MPDZ: variants seen among roughly 807,000 people sequenced by gnomAD.
MPDZ encodes the protein multiple PDZ domain crumbs cell polarity complex component, also known as multiple PDZ domain protein.
A neutral mutation model predicts 239.1 loss-of-function variants in MPDZ; 234 were observed. The observed-to-expected ratio is 0.98, with a 90% CI of 0.88 to 1.09. The LOEUF is 1.09. MPDZ is among the 50% of genes least tolerant of loss of function. The probability of loss-of-function intolerance (pLI) is 0.00; values close to 1 mark genes in which losing one functional copy is unlikely to be tolerated. For missense variants in MPDZ, 3,175 were observed against 2,510.0 expected (o/e 1.26, Z -5.66); for synonymous variants, 1,048 against 881.3 (o/e 1.19, Z -3.35).
intron 3 of MPDZ, among the ~76,000 whole-genome samples, chr9:13,233,679 T>A (rs191988120): frequency 5.9e-5 from 9 of 152,282 alleles, no homozygotes; most frequent in Admixed American, 3.9e-4. Context: ...AGACATATAA[T>A]CAAAGCAAAA....
chr9:13,229,115 A>T (rs1390666953), intron 3 of MPDZ, among the ~76,000 whole-genome samples: 1 of 152,152 alleles, frequency 6.6e-6, no homozygotes, highest in African/African-American at 2.4e-5. Context: ...TCTATATACA[A>T]TGAAGGTCAC....
intron 7 of MPDZ, among the ~76,000 whole-genome samples, chr9:13,220,267 A>T (rs926171728): frequency 6.6e-6 from 1 of 151,962 alleles, no homozygotes; most frequent in African/African-American, 2.4e-5. Context: ...TTGTGAAGTG[A>T]AAATTCAGAA....
At chr9:13,268,403 T>A (rs188444363) in intron 1 of MPDZ, among the ~76,000 whole-genome samples, 1 of 152,246 alleles carries the variant, frequency 6.6e-6, no homozygotes, top group Non-Finnish European at 1.5e-5. Context: ...TTTTCTATTA[T>A]TTTTCAGACA....
In MPDZ at chr9:13,176,785, T is replaced by C. The variant is rs151180597; in HGVS notation, c.2650-368A>G. On this transcript the variant is annotated intron_variant, in intron 19 of 46. Coordinates refer to ENST00000319217, the MANE Select transcript of MPDZ (RefSeq NM_001378778.1). ...ATACTTCCAAATCTCACTTAAAGTG[T>C]AGTTTGTTTCCCATCAGTCTGAAGT... Among the ~76,000 whole-genome samples, 884 of 152,184 alleles carry C rather than the reference T, an allele frequency of 5.8e-3. 9 individuals are homozygous for C. The highest frequency in any genetic ancestry group is 0.02 in the African/African-American group (834 of 41,534).
intron 19 of MPDZ, among the ~76,000 whole-genome samples, chr9:13,182,127 T>C (rs1409812720): frequency 6.6e-6 from 1 of 152,154 alleles, no homozygotes; most frequent in Non-Finnish European, 1.5e-5. Context: ...AAAACAGTGC[T>C]AGACCTACGG....
At chr9:13,259,958 T>C (rs1341088169) in intron 1 of MPDZ, among the ~76,000 whole-genome samples, 11 of 151,894 alleles carry the variant, frequency 7.2e-5, no homozygotes, top group African/African-American at 2.7e-4. Flanking sequence ...CTCAGCCTCC[T>C]GAGTAGCTGA....
intron 12 of MPDZ, 71 bp from the exon 13 acceptor site, chr9:13,196,301 G>A: frequency 3.7e-6 from 4 of 1,086,490 alleles, no homozygotes; most frequent in Non-Finnish European, 5.4e-6. Context: ...CCTGTACCAA[G>A]GATTCTCTGA....
chr9:13,275,779 C>T (rs1221257425), intron 1 of MPDZ, among the ~76,000 whole-genome samples: 2 of 152,166 alleles, frequency 1.3e-5, no homozygotes, highest in Non-Finnish European at 2.9e-5. Context: ...CCCTATCCAA[C>T]CTTTTCCCCT....
chr9:13,278,268 C>T (rs1299025599), intron 1 of MPDZ, among the ~76,000 whole-genome samples: 1 of 152,120 alleles, frequency 6.6e-6, no homozygotes, highest in African/African-American at 2.4e-5. Flanking sequence ...AAACACTAGC[C>T]TCCAACCGCA....
At chr9:13,278,652 G>T (rs1401338665) in intron 1 of MPDZ, among the ~76,000 whole-genome samples, 2 of 152,152 alleles carry the variant, frequency 1.3e-5, no homozygotes, top group East Asian at 1.9e-4. Flanking sequence ...CCATCAGCGC[G>T]GGGGGTGAGG....
At chr9:13,241,552 A>G (rs970486730) in intron 3 of MPDZ, among the ~76,000 whole-genome samples, 1 of 152,176 alleles carries the variant, frequency 6.6e-6, no homozygotes, top group African/African-American at 2.4e-5. Context: ...TTTCGGTCTC[A>G]AATTAGAAAC....
chr9:13,137,574 C>G (rs1476870844), intron 29 of MPDZ, among the ~76,000 whole-genome samples: 1 of 152,172 alleles, frequency 6.6e-6, no homozygotes, highest in East Asian at 1.9e-4. Context: ...ACCCTCATCA[C>G]TTCTCCCATT....
intron 1 of MPDZ, among the ~76,000 whole-genome samples, chr9:13,260,828 C>G (rs1370565569): frequency 1.3e-5 from 2 of 152,204 alleles, no homozygotes; most frequent in East Asian, 1.9e-4. Flanking sequence ...TTTCAACCTC[C>G]AATACCATGA....
chr9:13,254,002 T>C (rs1439939844), intron 1 of MPDZ, among the ~76,000 whole-genome samples: 2 of 152,222 alleles, frequency 1.3e-5, no homozygotes, highest in East Asian at 3.9e-4. Context: ...GCCAGGTTCT[T>C]AACACAAGCC....
At chr9:13,250,255 G>T (rs756734969) in intron 2 of MPDZ, 45 bp downstream of exon 2, 1 of 1,558,754 alleles carries the variant, frequency 6.4e-7, no homozygotes, top group Admixed American at 1.8e-5. Flanking sequence ...CCAATGGGAG[G>T]AGTTACAATT....
intron 1 of MPDZ, among the ~76,000 whole-genome samples, chr9:13,276,171 C>T (rs896960969): frequency 3.9e-5 from 6 of 152,190 alleles, no homozygotes; most frequent in Non-Finnish European, 8.8e-5. Flanking sequence ...TAACCCAATA[C>T]AACATTCTTC....
chr9:13,138,627 T>C (rs1587135567), intron 28 of MPDZ, among the ~76,000 whole-genome samples: 1 of 152,192 alleles, frequency 6.6e-6, no homozygotes, highest in African/African-American at 2.4e-5. Flanking sequence ...GAATGAGCTT[T>C]CTTATTGCAC....
In MPDZ at chr9:13,106,332, T is replaced by G. The variant is rs908988915; in HGVS notation, c.*633A>C. On this transcript the variant is annotated 3_prime_UTR_variant, in exon 47 of 47. Transcript: ENST00000319217. Reference sequence around the variant, plus strand: ...CTTTATAAAATTTAGGGACATTGCTTCATGTATTTGCCATTTACTCAATTG... The same window carrying G: ...CTTTATAAAATTTAGGGACATTGCTGCATGTATTTGCCATTTACTCAATTG... 1 of 152,182 alleles carries G rather than the reference T, an allele frequency of 6.6e-6. No homozygotes were observed. The highest frequency in any genetic ancestry group is 2.4e-5 in the African/African-American group (1 of 41,452). 9.4% of individuals were successfully genotyped at this position (152,182 alleles called of 1,614,324 possible).
intron 3 of MPDZ, among the ~76,000 whole-genome samples, chr9:13,227,983 T>C (rs1961160245): frequency 6.6e-6 from 1 of 152,184 alleles, no homozygotes. Context: ...TTCTGAACTA[T>C]AATCTCTTTG....
Sources: gnomAD v4.1 joint callset for allele counts (sites outside exome capture counted in the v4.1 genomes callset) on GRCh38, gnomAD v4.1.1 for gene constraint, MANE v1.5 for transcripts, NCBI Gene and HGNC (gene_info 2026-07-23, HGNC 2026-07-21) for gene names.